ST6GALNAC5: variants seen among roughly 807,000 people sequenced by gnomAD.
ST6GALNAC5 encodes ST6 N-acetylgalactosaminide alpha-2,6-sialyltransferase 5.
Under a neutral mutation model 33.6 loss-of-function variants are expected in ST6GALNAC5, and 27 were observed. That is an observed-to-expected ratio of 0.80 (90% confidence interval 0.59 to 1.11). The LOEUF is 1.11. Among genes scored for constraint, ST6GALNAC5 ranks in the 50% least tolerant of loss-of-function variants. The pLI is 0.00. For missense variants in ST6GALNAC5, 428 were observed against 454.0 expected (o/e 0.94, Z 0.52); for synonymous variants, 194 against 171.2 (o/e 1.13, Z -1.04).
chr1:77,031,764 T>C (rs1651464741), intron 2 of ST6GALNAC5, among the ~76,000 whole-genome samples: 1 of 152,224 alleles, frequency 6.6e-6, no homozygotes, highest in African/African-American at 2.4e-5. Context: ...TTTAGTTATT[T>C]GTACAGCAAA....
At chr1:77,007,936 G>A (rs1220444985) in intron 2 of ST6GALNAC5, among the ~76,000 whole-genome samples, 2 of 152,254 alleles carry the variant, frequency 1.3e-5, no homozygotes, top group East Asian at 1.9e-4. Flanking sequence ...AAAGGGCACT[G>A]AAGAGTCACA....
intron 4 of ST6GALNAC5, among the ~76,000 whole-genome samples, chr1:77,058,825 G>A (rs1482556188): frequency 2.6e-5 from 4 of 152,156 alleles, no homozygotes; most frequent in Non-Finnish European, 5.9e-5. Flanking sequence ...TGTGCTGAAA[G>A]CCAGGCAGTG....
At chr1:76,961,761 C>A (rs927303242) in intron 2 of ST6GALNAC5, among the ~76,000 whole-genome samples, 1 of 152,122 alleles carries the variant, frequency 6.6e-6, no homozygotes, top group East Asian at 1.9e-4. Flanking sequence ...CTTGATTGCC[C>A]CTGTTAAACA....
intron 4 of ST6GALNAC5, among the ~76,000 whole-genome samples, chr1:77,062,245 GCAA>G (rs1286551327): frequency 1.3e-5 from 2 of 152,084 alleles, no homozygotes; most frequent in African/African-American, 4.8e-5. Context: ...CAAGTAAACA[GCAA>G]CAACAATTCC....
intron 2 of ST6GALNAC5, among the ~76,000 whole-genome samples, chr1:76,911,834 G>C (rs1426814509): frequency 2.0e-5 from 3 of 152,060 alleles, no homozygotes; most frequent in Non-Finnish European, 4.4e-5. Flanking sequence ...TATTAGTCTT[G>C]CTAGCGGTCT....
intron 2 of ST6GALNAC5, among the ~76,000 whole-genome samples, chr1:76,974,605 G>T (rs1191925830): frequency 2.0e-5 from 3 of 151,418 alleles, no homozygotes; most frequent in Non-Finnish European, 4.4e-5. Flanking sequence ...TATTTTTGTT[G>T]CTGTCATAAG....
chr1:76,965,379 T>C (rs1248470842), intron 2 of ST6GALNAC5, among the ~76,000 whole-genome samples: 1 of 152,258 alleles, frequency 6.6e-6, no homozygotes, highest in African/African-American at 2.4e-5. Context: ...TGAGCATTTT[T>C]TCATGTGTCT....
intron 2 of ST6GALNAC5, among the ~76,000 whole-genome samples, chr1:77,038,137 G>A (rs1651714922): frequency 1.3e-5 from 2 of 152,188 alleles, no homozygotes; most frequent in South Asian, 4.1e-4. Flanking sequence ...TCTGCCCACG[G>A]ATTTCTTGCA....
intron 2 of ST6GALNAC5, among the ~76,000 whole-genome samples, chr1:76,988,754 C>A (rs894688476): frequency 2.0e-5 from 3 of 152,118 alleles, no homozygotes; most frequent in African/African-American, 4.8e-5. Flanking sequence ...ATCTGCCACT[C>A]TAACTCACAT....
rs139237004 is a variant in ST6GALNAC5, at chr1:76,888,208, T to C, written c.261+19466T>C. On this transcript the variant is annotated intron_variant, in intron 2 of 4. Transcript: ENST00000477717. ...ATGATGTGCCATTTAAAGCAGCGCT[T>C]CTCAAACATTAATGGTACATATGCA... 9.2e-5 allele frequency among the ~76,000 whole-genome samples: 14 copies of C among 152,268 alleles called. 1 individual carries two copies. In the East Asian group the frequency reaches 2.7e-3, roughly 29 times the overall value.
chr1:76,895,698 G>C (rs1654116052), intron 2 of ST6GALNAC5, among the ~76,000 whole-genome samples: 1 of 152,122 alleles, frequency 6.6e-6, no homozygotes, highest in African/African-American at 2.4e-5. Flanking sequence ...GAGAAACAGT[G>C]TAAACTGGCA....
chr1:76,950,437 T>C (rs1386005225), intron 2 of ST6GALNAC5, among the ~76,000 whole-genome samples: 1 of 152,162 alleles, frequency 6.6e-6, no homozygotes, highest in Non-Finnish European at 1.5e-5. Context: ...AATTTATTCA[T>C]TTGGTGACAT....
intron 2 of ST6GALNAC5, among the ~76,000 whole-genome samples, chr1:76,987,674 A>G (rs760166224): frequency 6.6e-6 from 1 of 152,204 alleles, no homozygotes; most frequent in African/African-American, 2.4e-5. Flanking sequence ...ACAGCCCAAC[A>G]GTGGAAAAAA....
At chr1:76,915,531 C>G (rs1023713460) in intron 2 of ST6GALNAC5, among the ~76,000 whole-genome samples, 2 of 152,054 alleles carry the variant, frequency 1.3e-5, no homozygotes, top group African/African-American at 4.8e-5. Flanking sequence ...TGATGAGTTC[C>G]TGTCCTTTGT....
At chr1:77,028,441 G>A (rs1369735602) in intron 2 of ST6GALNAC5, among the ~76,000 whole-genome samples, 1 of 151,884 alleles carries the variant, frequency 6.6e-6, no homozygotes, top group Non-Finnish European at 1.5e-5. Flanking sequence ...AAACATCATA[G>A]TCCTTCAAGT....
At chr1:76,888,882 A>G (rs1262847816) in intron 2 of ST6GALNAC5, among the ~76,000 whole-genome samples, 1 of 152,162 alleles carries the variant, frequency 6.6e-6, no homozygotes, top group African/African-American at 2.4e-5. Context: ...TAATTAACAT[A>G]TGTATTGCCT....
At chr1:76,878,069 C>A (rs888783814) in intron 2 of ST6GALNAC5, among the ~76,000 whole-genome samples, 1 of 152,208 alleles carries the variant, frequency 6.6e-6, no homozygotes, top group Middle Eastern at 3.4e-3. Flanking sequence ...TCTGTCCAGG[C>A]GAAATGGGAG....
rs532706221 is a variant in ST6GALNAC5, at chr1:76,897,060, G to A, written c.261+28318G>A. On this transcript the variant is annotated intron_variant, in intron 2 of 4. Coordinates refer to ENST00000477717, the MANE Select transcript of ST6GALNAC5 (RefSeq NM_030965.3). The stretch of plus-strand genomic sequence containing the variant: ...GTAGGGAGAGCACATGTGTTTTTAT[G>A]AGAATTATGCCGAGATAGGTAACAG... Among the ~76,000 whole-genome samples, 9 of 152,284 alleles carry A rather than the reference G, an allele frequency of 5.9e-5. No homozygotes were observed. In the South Asian group the frequency reaches 1.9e-3, roughly 32 times the overall value.
At chr1:76,907,460 G>T (rs1030154223) in intron 2 of ST6GALNAC5, among the ~76,000 whole-genome samples, 12 of 152,098 alleles carry the variant, frequency 7.9e-5, no homozygotes, top group Non-Finnish European at 1.8e-4. Flanking sequence ...CCAAGACAAG[G>T]CCTCTTTTTG....
Sources: gnomAD v4.1 joint callset for allele counts (sites outside exome capture counted in the v4.1 genomes callset) on GRCh38, gnomAD v4.1.1 for gene constraint, MANE v1.5 for transcripts, NCBI Gene and HGNC (gene_info 2026-07-23, HGNC 2026-07-21) for gene names.